The following MBD5 variants were observed in gnomAD, a reference collection of about 807,000 sequenced individuals.
MBD5 encodes the protein methyl-CpG-binding domain protein 5.
Under a neutral mutation model 117.3 loss-of-function variants are expected in MBD5, and 13 were observed. The observed-to-expected ratio is 0.11, with a 90% CI of 0.07 to 0.18. The LOEUF (loss-of-function observed/expected upper bound fraction) is 0.18. MBD5 is among the 10% of genes least tolerant of loss of function. The probability of loss-of-function intolerance (pLI) is 1.00; values close to 1 mark genes in which losing one functional copy is unlikely to be tolerated. For missense variants in MBD5, 1,879 were observed against 2,093.8 expected (o/e 0.90, Z 2.00); for synonymous variants, 727 against 766.4 (o/e 0.95, Z 0.85).
chr2:148,026,144 G>A (rs1035072996), intron 1 of MBD5: 7 of 152,066 alleles, frequency 4.6e-5, no homozygotes, highest in African/African-American at 1.4e-4. Context: ...TCTCTTTCAC[G>A]TTCATTCTTA....
chr2:148,281,303 A>G (rs62182804), intron 3 of MBD5, among the ~76,000 whole-genome samples: 5,789 of 152,156 alleles, frequency 0.038, 102 homozygotes, highest in African/African-American at 0.042. Context: ...GAATTGCTCA[A>G]TCCTGTTTTC....
rs184855667 is a variant in MBD5, at chr2:148,462,002, C to A, written c.114-580C>A. ...ACAGTTTGACTCTTCAGTGTATCTT[C>A]GGATATAACTGATCTATTATATCTT... is the stretch of plus-strand genomic sequence containing the variant. On this transcript the variant is annotated intron_variant, in intron 5 of 13. Transcript: ENST00000642680. Among the ~76,000 whole-genome samples, 126 of 152,170 alleles carry A rather than the reference C, an allele frequency of 8.3e-4. 2 individuals are homozygous for A. The highest frequency in any genetic ancestry group is 2.8e-3 in the African/African-American group (115 of 41,536).
chr2:148,368,751 G>A (rs1324118344), intron 4 of MBD5, among the ~76,000 whole-genome samples: 8 of 151,806 alleles, frequency 5.3e-5, no homozygotes, highest in African/African-American at 1.9e-4. Flanking sequence ...CATAAATGAA[G>A]GAGAACAGAA....
At chr2:148,225,577 T>C (rs1435532000) in intron 2 of MBD5, among the ~76,000 whole-genome samples, 1 of 152,212 alleles carries the variant, frequency 6.6e-6, no homozygotes, top group African/African-American at 2.4e-5. Context: ...GATGATTTGT[T>C]GCTTATTAAT....
At chr2:148,362,635 G>T (rs1296225411) in intron 4 of MBD5, among the ~76,000 whole-genome samples, 2 of 152,174 alleles carry the variant, frequency 1.3e-5, no homozygotes, top group Admixed American at 1.3e-4. Flanking sequence ...CTCGAGCTCC[G>T]CTAACTGACA....
At position 148,458,184 on chromosome 2, in the gene MBD5, A is replaced by G. The variant is rs752111882; in HGVS notation, c.-556-19A>G. On this transcript the variant is annotated intron_variant, in intron 4 of 13. Coordinates refer to ENST00000642680, the MANE Select transcript of MBD5 (RefSeq NM_001378120.1). ...TTCAACATTAAATATACAAGTTCACATATTTACATATGTTTCAGGCTACAT... is the reference window on the plus strand; with the variant it reads ...TTCAACATTAAATATACAAGTTCACGTATTTACATATGTTTCAGGCTACAT... The G allele has an allele frequency of 7.5e-6, 3 of 399,578 alleles. No individual in the cohort carries two copies. The highest frequency in any genetic ancestry group is 8.8e-6 in the Non-Finnish European group (2 of 226,712). 24.8% of individuals were successfully genotyped at this position (399,578 alleles called of 1,614,324 possible).
intron 1 of MBD5, among the ~76,000 whole-genome samples, chr2:148,038,521 A>G (rs1333775355): frequency 9.0e-6 from 1 of 111,214 alleles, no homozygotes; most frequent in African/African-American, 4.2e-5. Context: ...GATTGCTGAC[A>G]AAAAAAAAAA....
At chr2:148,363,575 A>G (rs1344532221) in intron 4 of MBD5, among the ~76,000 whole-genome samples, 2 of 152,052 alleles carry the variant, frequency 1.3e-5, no homozygotes, top group African/African-American at 4.8e-5. Context: ...GCTAACTAAA[A>G]TAACCAGTTA....
At chr2:148,442,901 C>A (rs1706371026) in intron 4 of MBD5, among the ~76,000 whole-genome samples, 1 of 151,312 alleles carries the variant, frequency 6.6e-6, no homozygotes, top group Non-Finnish European at 1.5e-5. Context: ...AATAGGACCA[C>A]ATCAAGTTGA....
intron 1 of MBD5, among the ~76,000 whole-genome samples, chr2:148,155,509 T>C (rs1432865591): frequency 6.6e-6 from 1 of 152,206 alleles, no homozygotes; most frequent in African/African-American, 2.4e-5. Context: ...CTTTGTCCTT[T>C]GTCCTCCACA....
intron 1 of MBD5, among the ~76,000 whole-genome samples, chr2:148,082,871 A>G (rs1573994403): frequency 6.6e-6 from 1 of 152,346 alleles, no homozygotes; most frequent in East Asian, 1.9e-4. Context: ...GTTATCCTCT[A>G]TAAAAGTATT....
intron 3 of MBD5, among the ~76,000 whole-genome samples, chr2:148,322,144 T>A (rs958001079): frequency 3.3e-5 from 5 of 152,228 alleles, no homozygotes; most frequent in Admixed American, 6.5e-5. Context: ...TAAGCAAATT[T>A]CTACAGTGTA....
chr2:148,052,594 TATG>T (rs1694745930), intron 1 of MBD5, among the ~76,000 whole-genome samples: 1 of 51,730 alleles, frequency 1.9e-5, no homozygotes, highest in Non-Finnish European at 4.8e-5. Flanking sequence ...TTTCATATGT[TATG>T]TTTTCGTCTT....
chr2:148,158,748 C>G (rs776571530), intron 1 of MBD5, among the ~76,000 whole-genome samples: 15 of 152,182 alleles, frequency 9.9e-5, no homozygotes, highest in Non-Finnish European at 1.9e-4. Context: ...GAGACGGAGT[C>G]TCGCTGTGTC....
At chr2:148,374,199 C>T (rs943544906) in intron 4 of MBD5, among the ~76,000 whole-genome samples, 1 of 151,678 alleles carries the variant, frequency 6.6e-6, no homozygotes, top group Non-Finnish European at 1.5e-5. Context: ...ACTTTGCACA[C>T]AAAGCCCATT....
intron 5 of MBD5, among the ~76,000 whole-genome samples, chr2:148,462,325 A>G (rs1707114441): frequency 6.6e-6 from 1 of 151,858 alleles, no homozygotes; most frequent in African/African-American, 2.4e-5. Context: ...CCTTTAGTCT[A>G]CTCTTGGTTT....
chr2:148,308,487 C>CTTTTTTTTTTTTTTTT (rs1701948279), intron 3 of MBD5, among the ~76,000 whole-genome samples: 1 of 27,698 alleles, frequency 3.6e-5, no homozygotes, highest in Non-Finnish European at 9.6e-5. Context: ...TGATGGGGTT[C>CTTTTTTTTTTTTTTTT]TTTCTTTTTT....
At chr2:148,025,445 A>G (rs1355420514) in intron 1 of MBD5, 1 of 151,896 alleles carries the variant, frequency 6.6e-6, no homozygotes, top group African/African-American at 2.4e-5. Context: ...ATTTTAGACA[A>G]TGAAAATAGC....
chr2:148,319,254 A>T (rs1033268050), intron 3 of MBD5, among the ~76,000 whole-genome samples: 1 of 152,100 alleles, frequency 6.6e-6, no homozygotes, highest in Non-Finnish European at 1.5e-5. Flanking sequence ...TTTTAGACCC[A>T]TATTAATTTT....
Sources: allele counts gnomAD v4.1 joint callset (sites outside exome capture counted in the v4.1 genomes callset), GRCh38; gene constraint gnomAD v4.1.1; transcripts MANE v1.5; gene names NCBI Gene and HGNC (gene_info 2026-07-23, HGNC 2026-07-21).